C1D: variants seen among roughly 807,000 people sequenced by gnomAD.
The protein encoded by C1D is nuclear nucleic acid-binding protein C1D.
Under a neutral mutation model 17.5 loss-of-function variants are expected in C1D, and 10 were observed. The ratio of observed to expected loss-of-function variants is 0.57; its 90% CI spans 0.35 to 0.97. C1D has a LOEUF of 0.97. Among genes scored for constraint, C1D ranks in the 50% least tolerant of loss-of-function variants. C1D has a pLI of 0.01. For synonymous variants in C1D, 49 were observed against 54.0 expected (o/e 0.91, Z 0.40); for missense variants, 136 against 160.1 (o/e 0.85, Z 0.81).
At chr2:68,048,749 A>G (rs1671202760) in intron 1 of C1D, among the ~76,000 whole-genome samples, 1 of 152,200 alleles carries the variant, frequency 6.6e-6, no homozygotes, top group South Asian at 2.1e-4. Flanking sequence ...TCCAATTTCA[A>G]AAGGTTAACT....
Position 68,041,418 on chromosome 2 carries a change from C to G in C1D, c.*1471G>C, listed in dbSNP as rs1041885494. The G allele has an allele frequency of 6.6e-6, 1 of 151,976 alleles. No individual in the cohort carries two copies. The highest frequency in any genetic ancestry group is 1.5e-5 in the Non-Finnish European group (1 of 67,854). The allele number at this position is 151,976 out of a possible 1,614,324, so 9.4% of individuals were successfully genotyped here. A position where few individuals can be genotyped will look rare whatever the true frequency, so the allele number is the denominator to read the frequency against. On this transcript the variant is annotated 3_prime_UTR_variant, in exon 5 of 5. Transcript: ENST00000410067. ...TTCTTTGCAATAAATAACACAAAGA[C>G]AGGTACACTACACTTGATCTTAACA...
Position 68,042,841 on chromosome 2 carries a change from GGGGGGGAA to G in C1D, c.*40_*47del. On this transcript the variant is annotated 3_prime_UTR_variant, in exon 5 of 5. Coordinates refer to ENST00000410067, the MANE Select transcript of C1D (RefSeq NM_173177.3). ...AGAATTATTTTGCGGGGGGGGGGGG[GGGGGGGAA>G]GATGTACTTTTTGAATATGTGTACA... 1 of 368,400 alleles carries G rather than the reference GGGGGGGAA, an allele frequency of 2.7e-6. No homozygotes were observed. Among genetic ancestry groups the G allele is most frequent in the Non-Finnish European group, 4.5e-6 (1 of 221,190 alleles). 22.8% of individuals were successfully genotyped at this position (368,400 alleles called of 1,614,324 possible).
chr2:68,045,953 C>G lies in C1D; in HGVS notation c.261+35G>C, dbSNP rs768728785. On this transcript the variant is annotated intron_variant, in intron 4 of 4. Coordinates refer to ENST00000410067, the MANE Select transcript of C1D (RefSeq NM_173177.3). ...GTGACAAACCTCAGGAATACAACAA[C>G]AAACACATAAAATAAAAAGAAATTA... 2.8e-6 allele frequency: 4 copies of G among 1,425,790 alleles called. No individual in the cohort carries two copies. In the South Asian group the frequency reaches 3.8e-5, roughly 13 times the overall value. The allele number at this position is 1,425,790 out of a possible 1,614,324, so 88.3% of individuals were successfully genotyped here. A position where few individuals can be genotyped will look rare whatever the true frequency, so the allele number is the denominator to read the frequency against.
At chr2:68,052,262 A>G (rs1671307907) in intron 1 of C1D, among the ~76,000 whole-genome samples, 1 of 152,184 alleles carries the variant, frequency 6.6e-6, no homozygotes, top group Non-Finnish European at 1.5e-5. Context: ...AGAACATACA[A>G]AAAATAGACA....
intron 1 of C1D, among the ~76,000 whole-genome samples, chr2:68,057,038 C>T (rs1671458084): frequency 6.6e-6 from 1 of 152,072 alleles, no homozygotes; most frequent in Admixed American, 6.6e-5. Flanking sequence ...TATGATATGC[C>T]CACCTATTAA....
chr2:68,059,250 C>T (rs1572889467), intron 1 of C1D, among the ~76,000 whole-genome samples: 1 of 152,278 alleles, frequency 6.6e-6, no homozygotes, highest in Admixed American at 6.5e-5. Context: ...ACCTCAAGGA[C>T]AAACCAAGAC....
intron 1 of C1D, among the ~76,000 whole-genome samples, chr2:68,060,493 A>C (rs1047378968): frequency 1.3e-5 from 2 of 152,080 alleles, no homozygotes; most frequent in African/African-American, 4.8e-5. Context: ...AACACAAAAA[A>C]TTAGCTGGGC....
intron 1 of C1D, among the ~76,000 whole-genome samples, chr2:68,057,075 G>A (rs1050230893): frequency 2.0e-5 from 3 of 152,168 alleles, no homozygotes; most frequent in East Asian, 1.9e-4. Flanking sequence ...GAAAAGGTAC[G>A]AGGTACAGCT....
chr2:68,055,916 C>G (rs943980081), intron 1 of C1D, among the ~76,000 whole-genome samples: 1 of 152,154 alleles, frequency 6.6e-6, no homozygotes, highest in African/African-American at 2.4e-5. Context: ...AGGAGAATAA[C>G]TAAAGAGAAG....
At chr2:68,044,949 C>T (rs1050808396) in intron 4 of C1D, among the ~76,000 whole-genome samples, 1 of 152,042 alleles carries the variant, frequency 6.6e-6, no homozygotes, top group African/African-American at 2.4e-5. Flanking sequence ...ATGATACAAG[C>T]CATCATTTTA....
chr2:68,047,637 C>T (rs1671168034), intron 1 of C1D, among the ~76,000 whole-genome samples: 1 of 152,178 alleles, frequency 6.6e-6, no homozygotes, highest in Admixed American at 6.5e-5. Flanking sequence ...TCACCACTCA[C>T]TGCAACTTCC....
chr2:68,054,901 G>A (rs201153210), intron 1 of C1D, among the ~76,000 whole-genome samples: 1 of 151,666 alleles, frequency 6.6e-6, no homozygotes, highest in East Asian at 1.9e-4. Flanking sequence ...AGGAGTTCGA[G>A]GCTGCAGTAA....
chr2:68,049,597 T>C (rs562259707), intron 1 of C1D, among the ~76,000 whole-genome samples: 9 of 152,104 alleles, frequency 5.9e-5, no homozygotes, highest in Non-Finnish European at 8.8e-5. Flanking sequence ...TACAAAGAGG[T>C]TCTAGTCCTA....
At chr2:68,056,270 T>G (rs1249466340) in intron 1 of C1D, among the ~76,000 whole-genome samples, 1 of 152,102 alleles carries the variant, frequency 6.6e-6, no homozygotes, top group East Asian at 1.9e-4. Context: ...GCCCAGCTAA[T>G]TTTTGTATTT....
Position 68,042,227 on chromosome 2 carries a change from T to C in C1D, c.*662A>G, listed in dbSNP as rs186398318. ...AGTTATACAACATTTTCAGCCTTTA[T>C]TGAGAGTACAGTCATCATGCCAAAA... On this transcript the variant is annotated 3_prime_UTR_variant, in exon 5 of 5. Transcript: ENST00000410067. The C allele has an allele frequency of 4.7e-4, 72 of 152,606 alleles. No individual in the cohort carries two copies. Among genetic ancestry groups the C allele is most frequent in the African/African-American group, 1.5e-3 (64 of 41,572 alleles). 9.5% of individuals were successfully genotyped at this position (152,606 alleles called of 1,614,324 possible).
intron 4 of C1D, 41 bp downstream of exon 4, chr2:68,045,947 C>T: frequency 7.3e-7 from 1 of 1,378,306 alleles, no homozygotes; most frequent in Non-Finnish European, 1.0e-6. Flanking sequence ...CTCAGGAATA[C>T]AACAACAAAC....
At chr2:68,053,671 G>A (rs955007043) in intron 1 of C1D, among the ~76,000 whole-genome samples, 7 of 152,130 alleles carry the variant, frequency 4.6e-5, no homozygotes, top group African/African-American at 7.2e-5. Context: ...ACCCCTCAGC[G>A]TAGATGCAAG....
chr2:68,048,588 A>T (rs1188514541), intron 1 of C1D, among the ~76,000 whole-genome samples: 2 of 152,180 alleles, frequency 1.3e-5, no homozygotes, highest in Admixed American at 6.5e-5. Flanking sequence ...TTTTTTCTGA[A>T]TGAGTATATT....
chr2:68,047,378 C>T, intron 1 of C1D, 59 bp from the exon 2 acceptor site: 1 of 1,099,142 alleles, frequency 9.1e-7, no homozygotes, highest in Non-Finnish European at 1.2e-6. Context: ...CTTTAGTTTC[C>T]AAAAAAAAAA....
Sources: gnomAD v4.1 joint callset for allele counts (sites outside exome capture counted in the v4.1 genomes callset) on GRCh38, gnomAD v4.1.1 for gene constraint, MANE v1.5 for transcripts, NCBI Gene and HGNC (gene_info 2026-07-23, HGNC 2026-07-21) for gene names.